The following SYNE1 variants were observed in gnomAD, a reference collection of about 807,000 sequenced individuals.
SYNE1 encodes the protein spectrin repeat containing nuclear envelope protein 1.
In SYNE1, 616 loss-of-function variants were observed where a neutral mutation model predicts 1,111.0. The observed-to-expected ratio is 0.55, with a 90% CI of 0.52 to 0.59. The LOEUF is 0.59. Ranked by LOEUF, SYNE1 falls within the 20% of genes least tolerant of loss-of-function variation. The pLI is 0.00. For synonymous variants in SYNE1, 3,855 were observed against 3,825.8 expected (o/e 1.01, Z -0.28); for missense variants, 10,006 against 10,417.0 (o/e 0.96, Z 1.72).
At chr6:152,284,610 AT>A (rs760978831) in intron 95 of SYNE1, among the ~76,000 whole-genome samples, 2,127 of 108,140 alleles carry the variant, frequency 0.02, 13 homozygotes, top group African/African-American at 0.026. Flanking sequence ...ACACCTGGTA[AT>A]TTTTTTTTTT....
chr6:152,472,222 G>GAAAAAAT, intron 15 of SYNE1, 79 bp downstream of exon 15: 2 of 1,302,216 alleles, frequency 1.5e-6, no homozygotes, highest in Non-Finnish European at 2.2e-6. Context: ...AAAAAATCAT[G>GAAAAAAT]AAAAAATAAA....
intron 105 of SYNE1, among the ~76,000 whole-genome samples, chr6:152,247,970 T>A (rs1485013919): frequency 2.0e-5 from 3 of 151,900 alleles, no homozygotes; most frequent in Non-Finnish European, 2.9e-5. Flanking sequence ...AGAATTCTAT[T>A]AAAACACATA....
Position 152,395,631 on chromosome 6 carries a change from C to T in SYNE1, c.7597G>A (p.Glu2533Lys). 1.9e-6 allele frequency: 3 copies of T among 1,614,160 alleles called. No individual in the cohort carries two copies. The highest frequency in any genetic ancestry group is 2.5e-6 in the Non-Finnish European group (3 of 1,180,014). Residue 2533 changes from glutamate (E) to lysine (K), a missense_variant, in exon 51 of 146, where the codon GAA becomes AAA. Transcript: ENST00000367255. ...TCCGTATTGAACCTTTCTTCCATTT[C>T]ATGGATCCATAAGTTCAGTTTTCTG... is the stretch of plus-strand genomic sequence containing the variant. The part of the protein sequence containing the change: ...QHRKLNLWIH[E>K]MEERFNTENL...
chr6:152,178,889 C>T (rs925397471), intron 129 of SYNE1, among the ~76,000 whole-genome samples: 2 of 147,186 alleles, frequency 1.4e-5, no homozygotes, highest in South Asian at 4.3e-4. Context: ...ACTGTGGAAA[C>T]AACACTGAAA....
rs773155844 is a variant in SYNE1 at position 152,232,237 on chromosome 6, T to G, written c.20741A>C (p.His6914Pro). The stretch of plus-strand genomic sequence containing the variant: ...CCAACTCATGACTTCAGAAATGGCA[T>G]GGCGGGAAGGCAGTTTATCCATCTG... ...QLQMDKLPSR[H>P]AISEVMSWIS... Residue 6914 changes from histidine (H) to proline (P), a missense_variant, in exon 113 of 146, where the codon CAT becomes CCT. Physicochemically the swap from His to Pro is moderately conservative, Grantham distance 77. Transcript: ENST00000367255. 5 of 1,614,048 alleles carry G rather than the reference T, an allele frequency of 3.1e-6. No homozygotes were observed. The Admixed American group carries it at 8.3e-5, about 27-fold the overall frequency.
intron 51 of SYNE1, 27 bp from the exon 52 acceptor site, chr6:152,391,595 G>GA (rs780985642): frequency 3.7e-6 from 5 of 1,352,020 alleles, no homozygotes; most frequent in Admixed American, 2.3e-5. Context: ...AAAAAAAAAA[G>GA]AAAAAAAATT....
Position 152,381,094 on chromosome 6 carries a change from G to T in SYNE1, c.8921C>A (p.Ala2974Asp). ...CTGCTGAGCCCAGGTTTTCAGAAGG[G>T]CACTGAACTGTTCCAGGGCCTGCTC... The part of the protein sequence containing the change: ...QLEQALEQFS[A>D]LLKTWAQQLT... Residue 2974 changes from alanine to aspartate, a missense_variant, in exon 56 of 146, where the codon GCC (alanine) becomes GAC (aspartate). Ala to Asp is a moderately radical substitution (Grantham distance 126). This residue lies in a region of SYNE1 where 4,955 missense variants were observed against 5,017.2 expected (regional missense o/e 0.99). Transcript: ENST00000367255. 2.5e-6 allele frequency: 4 copies of T among 1,614,158 alleles called. No homozygotes were observed. The South Asian group carries it at 3.3e-5, about 13-fold the overall frequency.
At chr6:152,220,778 A>G in intron 119 of SYNE1, 64 bp downstream of exon 119, 2 of 1,484,452 alleles carry the variant, frequency 1.3e-6, no homozygotes, top group South Asian at 2.3e-5. Flanking sequence ...TACACAGACC[A>G]AAAGCTAAAC....
chr6:152,420,133 C>A (rs1246325164), intron 39 of SYNE1, among the ~76,000 whole-genome samples: 1 of 152,174 alleles, frequency 6.6e-6, no homozygotes, highest in Non-Finnish European at 1.5e-5. Flanking sequence ...GTGTCTTTAA[C>A]CATGGCTAGC....
Position 152,148,507 on chromosome 6 carries a change from C to T in SYNE1, c.24643-129G>A. 1 of 808,286 alleles carries T rather than the reference C, an allele frequency of 1.2e-6. No individual in the cohort carries two copies. Among genetic ancestry groups the T allele is most frequent in the African/African-American group, 1.7e-5 (1 of 59,244 alleles). The allele number at this position is 808,286 out of a possible 1,614,324, so 50.1% of individuals were successfully genotyped here. A position where few individuals can be genotyped will look rare whatever the true frequency, so the allele number is the denominator to read the frequency against. On this transcript the variant is annotated intron_variant, in intron 136 of 145. Transcript: ENST00000367255. This position sits in a 1 kb window ranked among gnomAD's most constrained non-coding sequence, Gnocchi z 4.1. ...CAAATAAATAAGAATCTTCTGATCACAGAAATACAGGGGACAGTGCTGCTC... is the reference window on the plus strand; with the variant it reads ...CAAATAAATAAGAATCTTCTGATCATAGAAATACAGGGGACAGTGCTGCTC...
chr6:152,371,149 T>C (rs930503612), intron 59 of SYNE1, among the ~76,000 whole-genome samples: 1 of 152,036 alleles, frequency 6.6e-6, no homozygotes, highest in African/African-American at 2.4e-5. Flanking sequence ...GGCCACTTGA[T>C]ATGGTTTGGC....
intron 131 of SYNE1, among the ~76,000 whole-genome samples, chr6:152,157,057 C>T (rs991590428): frequency 1.9e-4 from 29 of 152,128 alleles, no homozygotes; most frequent in African/African-American, 7.0e-4. Context: ...GAACTCCTGA[C>T]CTCAGGTGAT....
At chr6:152,629,538 A>AGGG (rs2099693875) in intron 2 of SYNE1, among the ~76,000 whole-genome samples, 1 of 13,928 alleles carries the variant, frequency 7.2e-5, no homozygotes, top group Non-Finnish European at 1.2e-4. Flanking sequence ...GGGGGGGGGG[A>AGGG]GGGGGAGGGG....
At chr6:152,357,443 T>C (rs978231769) in intron 66 of SYNE1, among the ~76,000 whole-genome samples, 1 of 152,224 alleles carries the variant, frequency 6.6e-6, no homozygotes, top group Admixed American at 6.5e-5. Context: ...TCAGGACTGA[T>C]GGCACATTTG....
intron 2 of SYNE1, among the ~76,000 whole-genome samples, chr6:152,633,038 G>A (rs2099700552): frequency 1.3e-5 from 2 of 152,194 alleles, no homozygotes; most frequent in South Asian, 4.1e-4. Flanking sequence ...TGTTTACCTA[G>A]CAGTGTTCTG....
At chr6:152,236,042 C>T (rs975164949) in intron 110 of SYNE1, 65 bp downstream of exon 110, 31 of 1,544,612 alleles carry the variant, frequency 2.0e-5, no homozygotes, top group East Asian at 4.5e-5. Context: ...ATCCCCCACC[C>T]GCACTAGCCT....
intron 8 of SYNE1, among the ~76,000 whole-genome samples, chr6:152,506,938 C>T (rs1325678965): frequency 6.6e-6 from 1 of 152,078 alleles, no homozygotes; most frequent in African/African-American, 2.4e-5. Context: ...TACCAATGTA[C>T]ACTGTTTGCA....
At chr6:152,340,096 A>G (rs990451966) in intron 74 of SYNE1, among the ~76,000 whole-genome samples, 2 of 152,196 alleles carry the variant, frequency 1.3e-5, no homozygotes, top group Non-Finnish European at 2.9e-5. Context: ...GGGAAAATCA[A>G]GGTGCTAAGC....
intron 2 of SYNE1, among the ~76,000 whole-genome samples, chr6:152,633,467 C>A (rs568819221): frequency 1.7e-4 from 26 of 152,306 alleles, no homozygotes; most frequent in African/African-American, 5.8e-4. Flanking sequence ...ATGATATAAA[C>A]AATGTTACAA....
Sources: gnomAD v4.1 joint callset for allele counts (sites outside exome capture counted in the v4.1 genomes callset) on GRCh38, gnomAD v4.1.1 for gene constraint, gnomAD v4.1.1 regional missense constraint, Gnocchi (gnomAD v3.1) non-coding constraint, MANE v1.5 for transcripts, NCBI Gene and HGNC (gene_info 2026-07-23, HGNC 2026-07-21) for gene names.